The following SLC7A10 variants were observed in gnomAD, a reference collection of about 807,000 sequenced individuals.
SLC7A10 encodes the protein asc-type amino acid transporter 1.
Under a neutral mutation model 52.7 loss-of-function variants are expected in SLC7A10, and 30 were observed. The observed-to-expected ratio is 0.57, with a 90% CI of 0.43 to 0.77. The LOEUF (loss-of-function observed/expected upper bound fraction) is 0.77. Ranked by LOEUF, SLC7A10 falls within the 30% of genes least tolerant of loss-of-function variation. The pLI is 0.00. For synonymous variants in SLC7A10, 318 were observed against 314.9 expected, an observed-to-expected ratio of 1.01 and a Z score of -0.10; for missense variants, 581 against 698.5, an observed-to-expected ratio of 0.83 and a Z score of 1.90.
chr19:33,219,637 T>G (rs931442549), intron 1 of SLC7A10, among the ~76,000 whole-genome samples: 17 of 152,228 alleles, frequency 1.1e-4, no homozygotes, highest in African/African-American at 4.1e-4. Context: ...AGCAGAGGGC[T>G]AGTCCAACCG....
chr19:33,209,123 C>T (rs1161147344), intron 10 of SLC7A10, 102 bp from the exon 11 acceptor site: 16 of 1,569,548 alleles, frequency 1.0e-5, no homozygotes, highest in Non-Finnish European at 1.4e-5. Context: ...GGGAGTTGCT[C>T]CGTCGGTACC....
At chr19:33,212,676 G>A (rs1324628942) in intron 3 of SLC7A10, 37 bp from the exon 4 acceptor site, 4 of 1,613,036 alleles carry the variant, frequency 2.5e-6, no homozygotes, top group Admixed American at 1.7e-5. Flanking sequence ...CCGAGGCCGG[G>A]ACCTTTCACA....
At chr19:33,211,719 C>A (rs544611934) in intron 5 of SLC7A10, 182 bp from the exon 6 acceptor site, 6 of 1,138,566 alleles carry the variant, frequency 5.3e-6, no homozygotes, top group Middle Eastern at 2.9e-4. Flanking sequence ...GCCCCACCCC[C>A]ACCTGGACAC....
chr19:33,215,165 G>A (rs1384108236), intron 2 of SLC7A10, among the ~76,000 whole-genome samples: 1 of 151,622 alleles, frequency 6.6e-6, no homozygotes, highest in African/African-American at 2.4e-5. Flanking sequence ...CTACTCGGGA[G>A]TCTGAGGCAG....
chr19:33,210,515 G>T lies in SLC7A10; in HGVS notation c.1215C>A (p.Gly405=). Residue 405 remains glycine, a synonymous_variant, in exon 9 of 11, where the codon GGC becomes GGA. Coordinates refer to ENST00000253188, the MANE Select transcript of SLC7A10 (RefSeq NM_019849.3). This position sits in a 1 kb window ranked among gnomAD's most constrained non-coding sequence, Gnocchi z 5.6. ...NYLCYGVTIL[G]LLLLRWRRPA... The stretch of plus-strand genomic sequence containing the variant: ...GCCGCCTCCAGCGCAGCAGCAGCAG[G>T]CCCAGGATGGTGACGCCGTAGCAGA... 6.2e-7 allele frequency: 1 copy of T among 1,609,828 alleles called. No homozygotes were observed.
In SLC7A10 at chr19:33,215,797, C is replaced by T. The variant is rs551036567; in HGVS notation, c.328G>A (p.Val110Ile). Residue 110 changes from valine (V) to isoleucine (I), a missense_variant, in exon 2 of 11, where the codon GTC (valine) becomes ATC (isoleucine). By Grantham distance (29) the Val-to-Ile change is conservative. Transcript: ENST00000253188. ...GCCAGGCCCCCGAAGATCTCTGTGA[C>T]GTAGGCGTAGTCCCCGCCAGACTTG... Reference protein sequence around the residue: ...IPKSGGDYAYVTEIFGGLAGF... With the variant: ...IPKSGGDYAYITEIFGGLAGF... 40 of 1,566,406 alleles carry T rather than the reference C, an allele frequency of 2.6e-5. No individual in the cohort carries two copies. Among genetic ancestry groups the T allele is most frequent in the South Asian group, 8.2e-5 (7 of 85,196 alleles).
rs151220973 is a variant in SLC7A10, at chr19:33,215,873, G to A, written c.252C>T (p.Gly84=). Residue 84 remains glycine (G), a synonymous_variant, in exon 2 of 11, where the codon GGC becomes GGT. Coordinates refer to ENST00000253188, the MANE Select transcript of SLC7A10 (RefSeq NM_019849.3). ...AGCAGAGGGAGCCCAGAGCCGTCAC[G>A]CCCCCACCCAGGACCCAGACGAACA... ...LALFVWVLGG[G]VTALGSLCYA... 33 of 1,608,536 alleles carry A rather than the reference G, an allele frequency of 2.1e-5. No homozygotes were observed. The African/African-American group carries it at 3.6e-4, about 18-fold the overall frequency.
intron 2 of SLC7A10, among the ~76,000 whole-genome samples, chr19:33,214,041 G>A (rs1974616415): frequency 6.6e-6 from 1 of 152,102 alleles, no homozygotes; most frequent in Non-Finnish European, 1.5e-5. Context: ...TAGCTCCATG[G>A]CCCTCCTCCC....
At chr19:33,213,058 C>T in intron 2 of SLC7A10, 56 bp from the exon 3 acceptor site, 5 of 1,551,874 alleles carry the variant, frequency 3.2e-6, no homozygotes, top group Non-Finnish European at 4.4e-6. Context: ...TCCCGGCCAA[C>T]CTGGCCCTGA....
At chr19:33,212,076 C>T (rs1164101746) in intron 5 of SLC7A10, 1 of 641,324 alleles carries the variant, frequency 1.6e-6, no homozygotes, top group Non-Finnish European at 2.7e-6. Flanking sequence ...TGAGGCCCTG[C>T]AAGGGGCTGT....
At position 33,208,814 on chromosome 19, in the gene SLC7A10, CA is replaced by C. The variant is rs1974465546; in HGVS notation, c.*76del. The C allele has an allele frequency of 7.6e-6, 12 of 1,575,796 alleles. No homozygotes were observed. The South Asian group carries it at 1.4e-4, about 18-fold the overall frequency. On this transcript the variant is annotated 3_prime_UTR_variant, in exon 11 of 11. Coordinates refer to ENST00000253188, the MANE Select transcript of SLC7A10 (RefSeq NM_019849.3). The surrounding 1 kb of genome is among the most constrained non-coding windows in gnomAD (Gnocchi z 4.7). ...CTTTTTTTTCCAGAAAAAAACAAAA[CA>C]AAACTTTTTTGCCAAAACACCTCCT...
At chr19:33,212,820 C>A in intron 3 of SLC7A10, 31 bp downstream of exon 3, 1 of 1,611,492 alleles carries the variant, frequency 6.2e-7, no homozygotes, top group Non-Finnish European at 8.5e-7. Flanking sequence ...GGTGGCTGAT[C>A]TGGGGACAGT....
At chr19:33,216,711 ATTACAGGC>A (rs1212087404) in intron 1 of SLC7A10, among the ~76,000 whole-genome samples, 1 of 151,782 alleles carries the variant, frequency 6.6e-6, no homozygotes, top group African/African-American at 2.4e-5. Flanking sequence ...AGTAGTTAGA[ATTACAGGC>A]ATGAGCCACC....
intron 1 of SLC7A10, among the ~76,000 whole-genome samples, chr19:33,223,309 G>GA (rs59600246): frequency 0.026 from 2,993 of 117,212 alleles, 93 homozygotes; most frequent in African/African-American, 0.077. Context: ...CTCTGTCTCA[G>GA]AAAAAAAAAA....
chr19:33,209,096 T>G, intron 10 of SLC7A10, 75 bp from the exon 11 acceptor site: 2 of 1,601,388 alleles, frequency 1.2e-6, no homozygotes, highest in South Asian at 1.1e-5. Flanking sequence ...ACACCTCCCC[T>G]TGGGCAGGGG....
intron 1 of SLC7A10, among the ~76,000 whole-genome samples, chr19:33,224,656 TCTC>T (rs899293995): frequency 3.3e-5 from 5 of 151,926 alleles, no homozygotes; most frequent in African/African-American, 9.7e-5. Context: ...CCAAACCACT[TCTC>T]CTGTCCCTCC....
intron 2 of SLC7A10, among the ~76,000 whole-genome samples, chr19:33,213,976 G>A (rs1974614966): frequency 6.6e-6 from 1 of 152,058 alleles, no homozygotes; most frequent in Non-Finnish European, 1.5e-5. Flanking sequence ...AGCCATCTCT[G>A]GATCACCTGC....
At chr19:33,215,581 G>C (rs1379865525) in intron 2 of SLC7A10, among the ~76,000 whole-genome samples, 188 bp downstream of exon 2, 17 of 115,858 alleles carry the variant, frequency 1.5e-4, no homozygotes, top group African/African-American at 4.5e-4. Flanking sequence ...AGGCTGTCCA[G>C]CACCCCCACA....
At chr19:33,220,453 C>T (rs1274155067) in intron 1 of SLC7A10, 1 of 152,248 alleles carries the variant, frequency 6.6e-6, no homozygotes, top group Non-Finnish European at 1.5e-5. Flanking sequence ...GCTTCCTCCT[C>T]ACTCGGCCTC....
Sources: gnomAD v4.1 joint callset for allele counts (sites outside exome capture counted in the v4.1 genomes callset) on GRCh38, gnomAD v4.1.1 for gene constraint, Gnocchi (gnomAD v3.1) non-coding constraint, MANE v1.5 for transcripts, NCBI Gene and HGNC (gene_info 2026-07-23, HGNC 2026-07-21) for gene names.